FCGR2A: variants seen among roughly 807,000 people sequenced by gnomAD.
FCGR2A encodes the protein Fc gamma receptor IIa.
In FCGR2A, 18 loss-of-function variants were observed where a neutral mutation model predicts 29.3. The observed-to-expected ratio is 0.62, with a 90% CI of 0.43 to 0.91. The LOEUF is 0.91. Among genes scored for constraint, FCGR2A ranks in the 40% least tolerant of loss-of-function variants. The pLI is 0.00. For synonymous variants in FCGR2A, 126 were observed against 144.8 expected (o/e 0.87, Z 0.93); for missense variants, 287 against 393.0 (o/e 0.73, Z 2.28).
chr1:161,508,776 G>A (rs547617804), intron 3 of FCGR2A, among the ~76,000 whole-genome samples: 18 of 152,246 alleles, frequency 1.2e-4, no homozygotes, highest in African/African-American at 4.3e-4. Flanking sequence ...TCTGCCATCA[G>A]TGAAGGGAAG....
intron 2 of FCGR2A, 153 bp downstream of exon 2, chr1:161,506,160 A>G: frequency 8.0e-7 from 1 of 1,254,936 alleles, no homozygotes. Flanking sequence ...GGGGTCTGGG[A>G]TTTGCTTCTT....
chr1:161,523,421 C>T (rs906049279), downstream of FCGR2A: 3 of 152,132 alleles, frequency 2.0e-5, no homozygotes, highest in African/African-American at 7.2e-5. Context: ...CCATCTCGTC[C>T]TCCAGCCTTT....
At chr1:161,506,227 A>C in intron 2 of FCGR2A, 107 bp from the exon 3 acceptor site, 2 of 1,454,886 alleles carry the variant, frequency 1.4e-6, no homozygotes, top group Non-Finnish European at 1.9e-6. Context: ...CTTGAACTAC[A>C]TCTACAATAG....
chr1:161,520,179 C>T (rs570733421), downstream of FCGR2A, among the ~76,000 whole-genome samples: 41 of 152,102 alleles, frequency 2.7e-4, no homozygotes, highest in African/African-American at 5.5e-4. Context: ...TCTGTTCTCA[C>T]GCTGCTATGA....
chr1:161,505,921 A>G lies in FCGR2A; in HGVS notation c.86-66A>G, dbSNP rs938138535. 2.0e-5 allele frequency: 30 copies of G among 1,536,226 alleles called. No individual in the cohort carries two copies. In the Admixed American group the frequency reaches 4.3e-4, roughly 22 times the overall value. On this transcript the variant is annotated intron_variant, in intron 1 of 6. Coordinates refer to ENST00000271450, the MANE Select transcript of FCGR2A (RefSeq NM_001136219.3). ...CAAGCTCACCTCCCCAGCATTTCACATACGCAGCTAAATTTGAAGCCGTGT... is the reference window on the plus strand; with the variant it reads ...CAAGCTCACCTCCCCAGCATTTCACGTACGCAGCTAAATTTGAAGCCGTGT...
chr1:161,513,888 C>G lies in FCGR2A; in HGVS notation c.743-7C>G. 2 of 1,614,220 alleles carry G rather than the reference C, an allele frequency of 1.2e-6. No individual in the cohort carries two copies. The highest frequency in any genetic ancestry group is 1.7e-6 in the Non-Finnish European group (2 of 1,180,052). ...GCCCTGGCTAATCTTTTTCTTTTTCCCCACAGCCAATTCCACTGATCCTGT... is the reference window on the plus strand; with the variant it reads ...GCCCTGGCTAATCTTTTTCTTTTTCGCCACAGCCAATTCCACTGATCCTGT... On this transcript the variant is annotated splice_region_variant and splice_polypyrimidine_tract_variant and intron_variant, in intron 5 of 6. Transcript: ENST00000271450.
At chr1:161,506,718 C>A in intron 3 of FCGR2A, 127 bp downstream of exon 3, 1 of 1,478,586 alleles carries the variant, frequency 6.8e-7, no homozygotes, top group South Asian at 1.3e-5. Context: ...GTGAGTTGCT[C>A]ATTCATTCCC....
chr1:161,507,054 A>AG (rs1488961508), intron 3 of FCGR2A, among the ~76,000 whole-genome samples: 3 of 152,114 alleles, frequency 2.0e-5, no homozygotes, highest in African/African-American at 7.2e-5. Flanking sequence ...GGGAGGGTGA[A>AG]GGGTAGATCA....
chr1:161,518,252 G>A lies in FCGR2A; in HGVS notation c.*104G>A. On this transcript the variant is annotated 3_prime_UTR_variant, in exon 7 of 7. Coordinates refer to ENST00000271450, the MANE Select transcript of FCGR2A (RefSeq NM_001136219.3). ...TTTAAATGGAGACTGGAAAAATCCT[G>A]AGCAAACAAAACCACCTGGCCCTTA... The A allele has an allele frequency of 6.5e-7, 1 of 1,536,106 alleles. No homozygotes were observed. The highest frequency in any genetic ancestry group is 8.7e-7 in the Non-Finnish European group (1 of 1,145,310).
At chr1:161,512,191 C>T (rs369630767) in intron 5 of FCGR2A, among the ~76,000 whole-genome samples, 1 of 149,618 alleles carries the variant, frequency 6.7e-6, no homozygotes, top group Non-Finnish European at 1.5e-5. Context: ...TGAGGCCAAT[C>T]GGACGTGGGA....
At chr1:161,511,974 A>G (rs180859898) in intron 5 of FCGR2A, among the ~76,000 whole-genome samples, 69 of 152,184 alleles carry the variant, frequency 4.5e-4, no homozygotes, top group African/African-American at 1.5e-3. Flanking sequence ...CGCTTGGTCA[A>G]CTCTGAGTCT....
downstream of FCGR2A, chr1:161,523,910 A>G (rs918940276): frequency 2.0e-5 from 3 of 152,086 alleles, no homozygotes; most frequent in Non-Finnish European, 4.4e-5. Context: ...CCACTGAACC[A>G]CCAATGCTAC....
downstream of FCGR2A, among the ~76,000 whole-genome samples, chr1:161,521,100 A>G (rs1211481249): frequency 2.7e-5 from 4 of 149,106 alleles, no homozygotes; most frequent in Admixed American, 2.0e-4. Context: ...ATCATTCGGT[A>G]TAACCTGTCG....
intron 3 of FCGR2A, 57 bp from the exon 4 acceptor site, chr1:161,509,763 G>GA: frequency 6.2e-7 from 1 of 1,605,194 alleles, no homozygotes; most frequent in Non-Finnish European, 8.5e-7. Flanking sequence ...CTCTGAGACT[G>GA]AAAAACCCTT....
chr1:161,523,101 G>A (rs1676517552), downstream of FCGR2A: 1 of 152,102 alleles, frequency 6.6e-6, no homozygotes, highest in Admixed American at 6.5e-5. Flanking sequence ...TGTAACACCA[G>A]ACTGTACCAC....
At position 161,506,134 on chromosome 1, in the gene FCGR2A, G is replaced by C. The variant is rs1675374240; in HGVS notation, c.106+127G>C. 4 of 1,274,478 alleles carry C rather than the reference G, an allele frequency of 3.1e-6. No homozygotes were observed. The South Asian group carries it at 3.6e-5, about 11-fold the overall frequency. 78.9% of individuals were successfully genotyped at this position (1,274,478 alleles called of 1,614,324 possible). A position where few individuals can be genotyped will look rare whatever the true frequency, so the allele number is the denominator to read the frequency against. On this transcript the variant is annotated intron_variant, in intron 2 of 6. Coordinates refer to ENST00000271450, the MANE Select transcript of FCGR2A (RefSeq NM_001136219.3). ...ATCAAGCTTGGGTTCAGCATGGGCAGTTCCCCCATTTTAGTGGGGTCTGGG... is the reference window on the plus strand; with the variant it reads ...ATCAAGCTTGGGTTCAGCATGGGCACTTCCCCCATTTTAGTGGGGTCTGGG...
At chr1:161,513,874 T>C in intron 5 of FCGR2A, 21 bp from the exon 6 acceptor site, 1 of 1,614,268 alleles carries the variant, frequency 6.2e-7, no homozygotes, top group Non-Finnish European at 8.5e-7. Context: ...CCCTGGCTAA[T>C]CTTTTTCTTT....
At chr1:161,517,605 A>C (rs1200805489) in intron 6 of FCGR2A, among the ~76,000 whole-genome samples, 2 of 152,178 alleles carry the variant, frequency 1.3e-5, no homozygotes, top group Non-Finnish European at 2.9e-5. Flanking sequence ...TTAGGTTATT[A>C]GGTTATTATC....
rs1676154661 is a variant in FCGR2A at position 161,516,510 on chromosome 1, AAGTC to A, written c.781-1461_781-1458del. Among the ~76,000 whole-genome samples the A allele has an allele frequency of 3.3e-5, 5 of 152,108 alleles. No individual in the cohort carries two copies. The South Asian group carries it at 1.0e-3, about 32-fold the overall frequency. ...TTAAAAACTAAAGTTGACTGATAAA[AAGTC>A]AGTAAAGTCTCTTGGATATCACCAA... On this transcript the variant is annotated intron_variant, in intron 6 of 6. Transcript: ENST00000271450.
Sources: allele counts gnomAD v4.1 joint callset (sites outside exome capture counted in the v4.1 genomes callset), GRCh38; gene constraint gnomAD v4.1.1; transcripts MANE v1.5; gene names NCBI Gene and HGNC (gene_info 2026-07-23, HGNC 2026-07-21).